Variants in ANKDD1A observed in about 807,000 individuals in gnomAD.
ANKDD1A encodes ankyrin repeat and death domain-containing protein 1A.
Under a neutral mutation model 63.5 loss-of-function variants are expected in ANKDD1A, and 59 were observed. The ratio of observed to expected loss-of-function variants is 0.93; its 90% CI spans 0.75 to 1.15. ANKDD1A has a LOEUF of 1.15. ANKDD1A is among the 50% of genes most tolerant of loss of function. The probability of loss-of-function intolerance (pLI) is 0.00; values close to 1 mark genes in which losing one functional copy is unlikely to be tolerated. For synonymous variants in ANKDD1A, 266 were observed against 263.9 expected, an observed-to-expected ratio of 1.01 and a Z score of -0.08; for missense variants, 632 against 656.4, an observed-to-expected ratio of 0.96 and a Z score of 0.41.
At chr15:64,942,672 C>CA in intron 10 of ANKDD1A, 107 bp downstream of exon 10, 1 of 474,634 alleles carries the variant, frequency 2.1e-6, no homozygotes, top group Non-Finnish European at 3.6e-6. Flanking sequence ...TGAGGAATCA[C>CA]TTTTTTTTTT....
chr15:64,928,539 T>C (rs2085064572), intron 6 of ANKDD1A, among the ~76,000 whole-genome samples: 1 of 134,842 alleles, frequency 7.4e-6, no homozygotes, highest in African/African-American at 2.5e-5. Context: ...ACAATGGGAG[T>C]GTTTTCATTT....
chr15:64,921,328 A>C (rs4776651), intron 3 of ANKDD1A, among the ~76,000 whole-genome samples: 51,029 of 152,084 alleles, frequency 0.34, 9,149 homozygotes, highest in East Asian at 0.69. Flanking sequence ...TTCTTTTAAA[A>C]TGGTCTTTCT....
intron 9 of ANKDD1A, among the ~76,000 whole-genome samples, chr15:64,939,380 T>G (rs1212981249): frequency 6.6e-6 from 1 of 152,032 alleles, no homozygotes; most frequent in Non-Finnish European, 1.5e-5. Flanking sequence ...TTCCGGCACT[T>G]TGAGAAGTCG....
rs574148827 is a variant in ANKDD1A, at chr15:64,947,250, A to G, written c.1162-154A>G. ...AAGGCAAGGCATGGAGTGAGAAACC[A>G]GAAGAGAGGACATTAAGCCCCTGGC... On this transcript the variant is annotated intron_variant, in intron 12 of 14. Coordinates refer to ENST00000319580, the MANE Select transcript of ANKDD1A (RefSeq NM_182703.6). Among the ~76,000 whole-genome samples, 3 of 152,304 alleles carry G rather than the reference A, an allele frequency of 2.0e-5. No individual in the cohort carries two copies. The East Asian group carries it at 5.8e-4, about 29-fold the overall frequency.
chr15:64,947,660 T>C, intron 13 of ANKDD1A, 67 bp downstream of exon 13: 1 of 1,543,732 alleles, frequency 6.5e-7, no homozygotes. Flanking sequence ...TGAAATGTGT[T>C]CAGTTTTCTG....
In ANKDD1A at chr15:64,943,590, T is replaced by C; in HGVS notation, c.1065+8T>C. ...TTAAACCTGAGAGATAAGGTACCTC[T>C]GCTTACAACCCACCTCGCTTCAGGC... On this transcript the variant is annotated splice_region_variant and intron_variant, in intron 11 of 14. Coordinates refer to ENST00000319580, the MANE Select transcript of ANKDD1A (RefSeq NM_182703.6). 1 of 1,613,660 alleles carries C rather than the reference T, an allele frequency of 6.2e-7. No individual in the cohort carries two copies.
intron 4 of ANKDD1A, among the ~76,000 whole-genome samples, chr15:64,925,664 C>T (rs2085040812): frequency 1.3e-5 from 2 of 152,200 alleles, no homozygotes; most frequent in East Asian, 1.9e-4. Context: ...TAGTGCTACA[C>T]GACCTCACCG....
chr15:64,946,445 C>T (rs1266324174), intron 12 of ANKDD1A, among the ~76,000 whole-genome samples: 1 of 152,174 alleles, frequency 6.6e-6, no homozygotes, highest in African/African-American at 2.4e-5. Flanking sequence ...CCTTTACATA[C>T]AACAGATTAT....
chr15:64,944,777 C>A, intron 12 of ANKDD1A, 30 bp downstream of exon 12: 1 of 1,603,654 alleles, frequency 6.2e-7, no homozygotes, highest in Non-Finnish European at 8.5e-7. Flanking sequence ...GATCTTTCCT[C>A]ATTGGAAAGG....
rs1409194983 is a variant in ANKDD1A at position 64,953,664 on chromosome 15, T to C, written c.1484-3439T>C. Among the ~76,000 whole-genome samples the C allele has an allele frequency of 6.5e-3, 84 of 12,938 alleles. 1 individual carries two copies. The highest frequency in any genetic ancestry group is 0.033 in the South Asian group (28 of 854). The allele number at this position is 12,938 out of a possible 152,430, so 8.5% of individuals were successfully genotyped here. On this transcript the variant is annotated intron_variant, in intron 14 of 14. Coordinates refer to ENST00000319580, the MANE Select transcript of ANKDD1A (RefSeq NM_182703.6). The stretch of plus-strand genomic sequence containing the variant: ...TCCTCTTCCTTCTCCTTCTTTTCTT[T>C]CTTCTCCTTCTTTTCTTCTCCTTCT...
At chr15:64,941,914 G>T (rs1477337608) in intron 9 of ANKDD1A, among the ~76,000 whole-genome samples, 2 of 152,120 alleles carry the variant, frequency 1.3e-5, no homozygotes. Context: ...ATAGTTATCA[G>T]GTACTAGGTA....
chr15:64,950,408 A>G, intron 14 of ANKDD1A: 2 of 985,408 alleles, frequency 2.0e-6, no homozygotes, highest in Non-Finnish European at 2.4e-6. Flanking sequence ...GGTCATCACA[A>G]CTTATTTGAG....
At chr15:64,922,282 A>G (rs1202533606) in intron 4 of ANKDD1A, 2 of 454,946 alleles carry the variant, frequency 4.4e-6, no homozygotes, top group African/African-American at 2.0e-5. Flanking sequence ...ATTAAATGAG[A>G]AGGAGGTGAG....
intron 6 of ANKDD1A, 90 bp downstream of exon 6, chr15:64,927,089 A>G (rs914940069): frequency 1.5e-5 from 21 of 1,363,698 alleles, no homozygotes; most frequent in Non-Finnish European, 2.2e-5. Flanking sequence ...TCCACGTCTG[A>G]CTCCGATTGC....
intron 11 of ANKDD1A, 135 bp downstream of exon 11, chr15:64,943,717 T>C: frequency 1.2e-6 from 1 of 800,296 alleles, no homozygotes; most frequent in Non-Finnish European, 2.1e-6. Context: ...CCAGCTCAAA[T>C]GCAGCCTCCT....
At position 64,945,617 on chromosome 15, in the gene ANKDD1A, T is replaced by TATATATATATATATATATATATAC. The variant is rs1177204265; in HGVS notation, c.1161+884_1161+885insATATATATACATATATATATATAT. Reference sequence around the variant, plus strand: ...TAAATGCATTTTCAACATATATATATATATATATATATATGAACTTTTTTT... The same window carrying TATATATATATATATATATATATAC: ...TAAATGCATTTTCAACATATATATATATATATATATATATATATATATACATATATATATATATGAACTTTTTTT... On this transcript the variant is annotated intron_variant, in intron 12 of 14. Transcript: ENST00000319580. Among the ~76,000 whole-genome samples the TATATATATATATATATATATATAC allele has an allele frequency of 2.1e-4, 15 of 71,284 alleles. 1 individual carries two copies. The highest frequency in any genetic ancestry group is 8.7e-4 in the African/African-American group (14 of 16,174). The allele number at this position is 71,284 out of a possible 152,430, so 46.8% of individuals were successfully genotyped here.
chr15:64,922,064 C>T (rs754901202), intron 4 of ANKDD1A, 45 bp downstream of exon 4: 3 of 1,575,480 alleles, frequency 1.9e-6, no homozygotes, highest in South Asian at 1.1e-5. Flanking sequence ...GCTCCCCTGG[C>T]CTGGATGCAC....
At chr15:64,934,782 G>C (rs979333250) in intron 9 of ANKDD1A, among the ~76,000 whole-genome samples, 3 of 151,388 alleles carry the variant, frequency 2.0e-5, no homozygotes, top group African/African-American at 7.3e-5. Flanking sequence ...CTCCCAAAGT[G>C]CTGGGATTAC....
In ANKDD1A at chr15:64,911,975, C is replaced by T; in HGVS notation, c.34+11C>T. The T allele has an allele frequency of 1.6e-6, 2 of 1,242,210 alleles. No homozygotes were observed. The highest frequency in any genetic ancestry group is 2.0e-6 in the Non-Finnish European group (2 of 985,522). The allele number at this position is 1,242,210 out of a possible 1,614,324, so 76.9% of individuals were successfully genotyped here. On this transcript the variant is annotated intron_variant, in intron 1 of 14. Coordinates refer to ENST00000319580, the MANE Select transcript of ANKDD1A (RefSeq NM_182703.6). ...GGGAGACCGACGGCCGTGAGTCTGC[C>T]TGGAGGAGGGAGGGGGGCGGGCCGA...
Sources: gnomAD v4.1 joint callset for allele counts (sites outside exome capture counted in the v4.1 genomes callset) on GRCh38, gnomAD v4.1.1 for gene constraint, MANE v1.5 for transcripts, NCBI Gene and HGNC (gene_info 2026-07-23, HGNC 2026-07-21) for gene names.